CTCF: variants seen among roughly 807,000 people sequenced by gnomAD.
CTCF encodes CCCTC-binding factor, also known as transcriptional repressor CTCF.
In CTCF, 7 loss-of-function variants were observed where a neutral mutation model predicts 72.3. The observed-to-expected ratio is 0.10, with a 90% CI of 0.06 to 0.18. The LOEUF (loss-of-function observed/expected upper bound fraction) is 0.18. Ranked by LOEUF, CTCF falls within the 10% of genes least tolerant of loss-of-function variation. CTCF has a pLI of 1.00. For synonymous variants in CTCF, 374 were observed against 315.8 expected (o/e 1.18, Z -1.95); for missense variants, 516 against 949.1 (o/e 0.54, Z 6.00).
At chr16:67,564,399 C>T (rs1000218226) in intron 1 of CTCF, among the ~76,000 whole-genome samples, 2 of 152,316 alleles carry the variant, frequency 1.3e-5, no homozygotes, top group East Asian at 1.9e-4. Flanking sequence ...CAAAGTTGTC[C>T]AGTCCACTGT....
intron 2 of CTCF, among the ~76,000 whole-genome samples, chr16:67,583,694 A>G (rs2051621293): frequency 6.6e-6 from 1 of 152,112 alleles, no homozygotes; most frequent in South Asian, 2.1e-4. Flanking sequence ...CTCAAAAAAA[A>G]AAAAACAAAA....
At chr16:67,574,252 G>A (rs1448553978) in intron 2 of CTCF, among the ~76,000 whole-genome samples, 1 of 152,140 alleles carries the variant, frequency 6.6e-6, no homozygotes, top group Non-Finnish European at 1.5e-5. Context: ...AGTTTCCCAC[G>A]ACCTCTTTCT....
intron 2 of CTCF, among the ~76,000 whole-genome samples, chr16:67,590,083 G>A (rs1405614841): frequency 4.7e-5 from 7 of 150,256 alleles, no homozygotes; most frequent in South Asian, 2.1e-4. Context: ...GCGAAACTCC[G>A]TCTCAAAAAA....
At chr16:67,634,983 A>G (rs555659433) in intron 10 of CTCF, among the ~76,000 whole-genome samples, 3 of 150,494 alleles carry the variant, frequency 2.0e-5, no homozygotes, top group African/African-American at 7.3e-5. Flanking sequence ...GATTACAGGC[A>G]TGAGTCACTG....
chr16:67,629,743 G>C (rs2052337673), intron 10 of CTCF, among the ~76,000 whole-genome samples: 1 of 74,814 alleles, frequency 1.3e-5, no homozygotes, highest in Non-Finnish European at 2.6e-5. Flanking sequence ...GCTCATTAAT[G>C]CCCTTTTTTT....
intron 1 of CTCF, among the ~76,000 whole-genome samples, chr16:67,569,010 G>T (rs1213347938): frequency 2.0e-5 from 3 of 151,708 alleles, no homozygotes; most frequent in African/African-American, 7.3e-5. Flanking sequence ...GTTAATTTTT[G>T]TATTTTTTTT....
At position 67,636,724 on chromosome 16, in the gene CTCF, T is replaced by C; in HGVS notation, c.1872T>C (p.Asp624=). Residue 624 remains aspartate, a synonymous_variant, in exon 11 of 12, where the codon GAT becomes GAC. Coordinates refer to ENST00000264010, the MANE Select transcript of CTCF (RefSeq NM_006565.4). The part of the protein sequence containing the change: ...NAEPDLDDNE[D]EEEPAVEIEP... ...AACCAGATCTGGACGACAATGAGGA[T>C]GAGGAGGAGCCTGCCGTAGAAATTG... 6.2e-7 allele frequency: 1 copy of C among 1,609,778 alleles called. No homozygotes were observed. The highest frequency in any genetic ancestry group is 1.7e-5 in the Admixed American group (1 of 59,508).
chr16:67,597,090 A>G (rs902211482), intron 2 of CTCF, among the ~76,000 whole-genome samples: 3 of 151,926 alleles, frequency 2.0e-5, no homozygotes, highest in Non-Finnish European at 2.9e-5. Context: ...CTGGAGTACA[A>G]TGGCACAATC....
intron 9 of CTCF, among the ~76,000 whole-genome samples, chr16:67,628,904 C>G (rs1335406785): frequency 1.3e-5 from 2 of 152,046 alleles, no homozygotes; most frequent in African/African-American, 4.8e-5. Flanking sequence ...ACTAAAAATA[C>G]AAAAAATTAG....
intron 2 of CTCF, among the ~76,000 whole-genome samples, chr16:67,574,047 C>T (rs1239640223): frequency 6.6e-6 from 1 of 151,750 alleles, no homozygotes. Flanking sequence ...AAAAGACTTA[C>T]GTGACCAAAG....
intron 2 of CTCF, among the ~76,000 whole-genome samples, chr16:67,571,912 A>G (rs898793386): frequency 4.6e-5 from 7 of 152,208 alleles, no homozygotes; most frequent in Admixed American, 6.5e-5. Context: ...GGAATCTACT[A>G]TGCTTTGGGA....
intron 10 of CTCF, among the ~76,000 whole-genome samples, chr16:67,636,351 G>T (rs1219815567): frequency 6.8e-6 from 1 of 147,062 alleles, no homozygotes; most frequent in East Asian, 2.0e-4. Flanking sequence ...CAGCCTGGGC[G>T]ACAGAGTGAG....
In CTCF at chr16:67,629,443, G is replaced by A. The variant is rs771793540; in HGVS notation, c.1747G>A (p.Val583Ile). ...TGATAATTGTGCTGGCCCAGATGGC[G>A]TAGAGGGGGAAAATGGAGGAGAAAC... Reference protein sequence around the residue: ...HADNCAGPDGVEGENGGETKK... With the variant: ...HADNCAGPDGIEGENGGETKK... The change falls in exon 10 of 12, where the codon GTA (valine) becomes ATA (isoleucine). Residue 583 changes from valine (V) to isoleucine (I), a missense_variant. Physicochemically the swap from Val to Ile is conservative, Grantham distance 29. This residue lies in a region of CTCF where 157 missense variants were observed against 172.9 expected (regional missense o/e 0.91). Transcript: ENST00000264010. 16 of 1,610,696 alleles carry A rather than the reference G, an allele frequency of 9.9e-6. No individual in the cohort carries two copies. The highest frequency in any genetic ancestry group is 3.3e-4 in the Middle Eastern group (2 of 6,074).
chr16:67,579,359 G>GT (rs992218727), intron 2 of CTCF, among the ~76,000 whole-genome samples: 107 of 146,278 alleles, frequency 7.3e-4, no homozygotes, highest in Middle Eastern at 3.5e-3. Flanking sequence ...GTTTTTTTTT[G>GT]TTTTTTTTTT....
intron 5 of CTCF, among the ~76,000 whole-genome samples, chr16:67,619,823 A>G (rs186637455): frequency 5.9e-5 from 9 of 152,290 alleles, no homozygotes; most frequent in African/African-American, 1.2e-4. Context: ...ACCTCAAGCA[A>G]TCGCACGCCT....
chr16:67,628,275 G>A (rs780922364), intron 8 of CTCF, 95 bp from the exon 9 acceptor site: 6 of 1,128,232 alleles, frequency 5.3e-6, no homozygotes, highest in Admixed American at 2.5e-5. Flanking sequence ...CCTAGCTTGG[G>A]TGAGAAATAC....
chr16:67,594,063 A>T (rs923301268), intron 2 of CTCF, among the ~76,000 whole-genome samples: 4 of 152,180 alleles, frequency 2.6e-5, no homozygotes, highest in Admixed American at 6.6e-5. Context: ...GCAGGATTTT[A>T]AAAAATCTAA....
At chr16:67,588,592 C>T (rs930530418) in intron 2 of CTCF, among the ~76,000 whole-genome samples, 2 of 152,090 alleles carry the variant, frequency 1.3e-5, no homozygotes, top group Non-Finnish European at 2.9e-5. Context: ...TACTATGGCA[C>T]CAATGTTGAC....
intron 2 of CTCF, among the ~76,000 whole-genome samples, chr16:67,576,955 T>C (rs184305723): frequency 6.3e-4 from 96 of 152,178 alleles, no homozygotes; most frequent in Non-Finnish European, 1.2e-3. Context: ...TGAGAGTAAG[T>C]ATATGTATAT....
Sources: allele counts gnomAD v4.1 joint callset (sites outside exome capture counted in the v4.1 genomes callset), GRCh38; gene constraint gnomAD v4.1.1; regional missense constraint gnomAD v4.1.1; transcripts MANE v1.5; gene names NCBI Gene and HGNC (gene_info 2026-07-23, HGNC 2026-07-21).